Variants in ATP9B observed in about 807,000 individuals in gnomAD.
The protein encoded by ATP9B is ATPase phospholipid transporting 9B.
Under a neutral mutation model 146.1 loss-of-function variants are expected in ATP9B, and 110 were observed. The observed-to-expected ratio is 0.75, with a 90% CI of 0.65 to 0.88. The LOEUF (loss-of-function observed/expected upper bound fraction) is 0.88, where lower values mean the gene tolerates loss of function less well. ATP9B is among the 40% of genes least tolerant of loss of function. ATP9B has a pLI of 0.00. For missense variants in ATP9B, 1,499 were observed against 1,496.4 expected (o/e 1.00, Z -0.03); for synonymous variants, 604 against 569.7 (o/e 1.06, Z -0.86).
rs144732263 is a variant in ATP9B at position 79,367,823 on chromosome 18, G to A, written c.3013-5002G>A. On this transcript the variant is annotated intron_variant, in intron 26 of 29. Coordinates refer to ENST00000426216, the MANE Select transcript of ATP9B (RefSeq NM_198531.5). ...ATCAGTAGAAGACATCAGACAAGTC[G>A]AAATCAAGGGCATTCCAAAAAGACA... is the stretch of plus-strand genomic sequence containing the variant. Among the ~76,000 whole-genome samples, 368 of 152,364 alleles carry A rather than the reference G, an allele frequency of 2.4e-3. 1 individual carries two copies. Among genetic ancestry groups the A allele is most frequent in the South Asian group, 6.4e-3 (31 of 4,824 alleles).
intron 19 of ATP9B, among the ~76,000 whole-genome samples, chr18:79,339,699 ATCATGATTGCAGTAGGAAGTGTG>A (rs1423936855): frequency 2.1e-5 from 3 of 145,864 alleles, no homozygotes; most frequent in Admixed American, 6.8e-5. Flanking sequence ...TAGGAAGTGT[ATCATGATTGCAGTAGGAAGTGTG>A]TCATGATCGC....
chr18:79,374,601 CA>C (rs2097092941), intron 28 of ATP9B, among the ~76,000 whole-genome samples: 1 of 152,258 alleles, frequency 6.6e-6, no homozygotes, highest in Non-Finnish European at 1.5e-5. Flanking sequence ...CACTCGGGAG[CA>C]GTTGGGACTC....
At chr18:79,256,453 A>G (rs2096082321) in intron 12 of ATP9B, among the ~76,000 whole-genome samples, 1 of 150,936 alleles carries the variant, frequency 6.6e-6, no homozygotes, top group Admixed American at 6.6e-5. Flanking sequence ...CTTTATTTGC[A>G]TTAATTTATG....
At chr18:79,224,708 C>T (rs1781179887) in intron 11 of ATP9B, among the ~76,000 whole-genome samples, 1 of 152,134 alleles carries the variant, frequency 6.6e-6, no homozygotes, top group Admixed American at 6.5e-5. Context: ...TGGAACAAGG[C>T]TCTCTGCTGA....
intron 11 of ATP9B, among the ~76,000 whole-genome samples, chr18:79,250,442 G>T (rs2096011403): frequency 6.6e-6 from 1 of 152,110 alleles, no homozygotes; most frequent in Non-Finnish European, 1.5e-5. Flanking sequence ...TGAGGTAATT[G>T]AGTCTTTTTT....
chr18:79,376,701 T>A (rs183966070), intron 29 of ATP9B, among the ~76,000 whole-genome samples: 1 of 149,818 alleles, frequency 6.7e-6, no homozygotes, highest in East Asian at 2.0e-4. Flanking sequence ...ACAACCTTTT[T>A]TTTTTTTTTT....
At chr18:79,148,506 A>G (rs576071584) in intron 6 of ATP9B, among the ~76,000 whole-genome samples, 35 of 152,332 alleles carry the variant, frequency 2.3e-4, no homozygotes, top group African/African-American at 7.9e-4. Context: ...TCACACAATC[A>G]GTTGTTGCAG....
chr18:79,245,359 A>C (rs1011278408), intron 11 of ATP9B, among the ~76,000 whole-genome samples: 1 of 152,228 alleles, frequency 6.6e-6, no homozygotes, highest in African/African-American at 2.4e-5. Flanking sequence ...TATTGAAGGA[A>C]TTATTTTAAA....
intron 11 of ATP9B, among the ~76,000 whole-genome samples, chr18:79,222,531 G>T (rs1053458763): frequency 6.6e-6 from 1 of 152,154 alleles, no homozygotes; most frequent in East Asian, 1.9e-4. Context: ...ACCTGAGGAC[G>T]CAACTTCCTG....
At chr18:79,282,062 G>C (rs2096382739) in intron 13 of ATP9B, among the ~76,000 whole-genome samples, 1 of 152,198 alleles carries the variant, frequency 6.6e-6, no homozygotes. Flanking sequence ...CCGCAGGTGT[G>C]GTGAAAATAG....
chr18:79,075,383 C>T (rs139390742), intron 1 of ATP9B, among the ~76,000 whole-genome samples: 1 of 152,294 alleles, frequency 6.6e-6, no homozygotes, highest in African/African-American at 2.4e-5. Context: ...TCAGTGATCG[C>T]CTTCTGTCGG....
At chr18:79,289,285 C>A (rs1211301987) in intron 13 of ATP9B, among the ~76,000 whole-genome samples, 5 of 152,222 alleles carry the variant, frequency 3.3e-5, no homozygotes, top group African/African-American at 9.6e-5. Flanking sequence ...TTCACACAGT[C>A]TCATGTTTCT....
At chr18:79,196,083 A>G (rs573788038) in intron 9 of ATP9B, among the ~76,000 whole-genome samples, 26 of 152,174 alleles carry the variant, frequency 1.7e-4, no homozygotes, top group Non-Finnish European at 3.1e-4. Flanking sequence ...AGCTCCCCAC[A>G]GTTGGAAGGG....
chr18:79,277,398 A>G, intron 13 of ATP9B: 1 of 485,162 alleles, frequency 2.1e-6, no homozygotes, highest in South Asian at 4.6e-5. Context: ...ACACAGTATC[A>G]TAAGAATTAT....
At chr18:79,188,094 G>A (rs1352042561) in intron 8 of ATP9B, among the ~76,000 whole-genome samples, 1 of 152,130 alleles carries the variant, frequency 6.6e-6, no homozygotes, top group Non-Finnish European at 1.5e-5. Context: ...GAATCAACAG[G>A]AAAGAGAAAG....
At chr18:79,101,271 T>G (rs967663545) in intron 2 of ATP9B, among the ~76,000 whole-genome samples, 1 of 152,178 alleles carries the variant, frequency 6.6e-6, no homozygotes, top group Non-Finnish European at 1.5e-5. Context: ...TGCATCTCGT[T>G]TTAATATCAA....
intron 11 of ATP9B, among the ~76,000 whole-genome samples, chr18:79,231,058 A>G (rs1367517353): frequency 6.6e-6 from 1 of 152,264 alleles, no homozygotes; most frequent in African/African-American, 2.4e-5. Context: ...TCTAGAAGAT[A>G]ACATTGGAAA....
rs181322551 is a variant in ATP9B at position 79,100,898 on chromosome 18, T to C, written c.293+4249T>C. 3.0e-3 allele frequency among the ~76,000 whole-genome samples: 452 copies of C among 152,238 alleles called. 3 individuals are homozygous for C. The highest frequency in any genetic ancestry group is 0.01 in the African/African-American group (429 of 41,540). Reference sequence around the variant, plus strand: ...CAGATCTCGTGAGACTCATTCACTATCAGGAGAACAGCCCAGGAAAGTCCC... The same window carrying C: ...CAGATCTCGTGAGACTCATTCACTACCAGGAGAACAGCCCAGGAAAGTCCC... On this transcript the variant is annotated intron_variant, in intron 2 of 29. Transcript: ENST00000426216.
intron 8 of ATP9B, among the ~76,000 whole-genome samples, chr18:79,190,415 G>C (rs1458353460): frequency 6.6e-6 from 1 of 151,928 alleles, no homozygotes; most frequent in Non-Finnish European, 1.5e-5. Context: ...AAGTGGACCT[G>C]CACAGTTCCA....
Sources: allele counts gnomAD v4.1 joint callset (sites outside exome capture counted in the v4.1 genomes callset), GRCh38; gene constraint gnomAD v4.1.1; transcripts MANE v1.5; gene names NCBI Gene and HGNC (gene_info 2026-07-23, HGNC 2026-07-21).